The following BMERB1 variants were observed in gnomAD, a reference collection of about 807,000 sequenced individuals.
BMERB1 encodes the protein bMERB domain containing 1.
Under a neutral mutation model 23.6 loss-of-function variants are expected in BMERB1, and 12 were observed. The ratio of observed to expected loss-of-function variants is 0.51; its 90% CI spans 0.33 to 0.82. The LOEUF is 0.82. Ranked by LOEUF, BMERB1 falls within the 40% of genes least tolerant of loss-of-function variation. The pLI, the probability that BMERB1 is intolerant of heterozygous loss-of-function variation, is 0.03. For missense variants in BMERB1, 247 were observed against 255.4 expected (o/e 0.97, Z 0.22); for synonymous variants, 122 against 96.6 (o/e 1.26, Z -1.54).
intron 2 of BMERB1, among the ~76,000 whole-genome samples, chr16:15,562,316 AAAAAC>A (rs1567499835): frequency 1.3e-5 from 2 of 151,666 alleles, no homozygotes; most frequent in African/African-American, 4.8e-5. Context: ...AAAAAAAAAA[AAAAAC>A]ATAAATAAAT....
chr16:15,452,379 A>G (rs979414842), intron 1 of BMERB1, among the ~76,000 whole-genome samples: 1 of 151,806 alleles, frequency 6.6e-6, no homozygotes, highest in Non-Finnish European at 1.5e-5. Context: ...AAAAAGCTAA[A>G]CAGCCAGACC....
At chr16:15,446,893 G>A (rs1598442842) in intron 1 of BMERB1, among the ~76,000 whole-genome samples, 1 of 152,282 alleles carries the variant, frequency 6.6e-6, no homozygotes, top group African/African-American at 2.4e-5. Flanking sequence ...GGAGGAGGGA[G>A]AGCCTTTCTG....
At position 15,528,167 on chromosome 16, in the gene BMERB1, C is replaced by CT. The variant is rs2051927926; in HGVS notation, c.230+12740dup. 2.6e-5 allele frequency among the ~76,000 whole-genome samples: 4 copies of CT among 152,224 alleles called. No homozygotes were observed. In the South Asian group the frequency reaches 8.3e-4, roughly 32 times the overall value. On this transcript the variant is annotated intron_variant, in intron 2 of 5. Coordinates refer to ENST00000300006, the MANE Select transcript of BMERB1 (RefSeq NM_033201.3). ...AATTTAATTCTCACAGTTCTGGAGTCTGGCTGGGAAGTCCAAGATGAAGAT... is the reference window on the plus strand; with the variant it reads ...AATTTAATTCTCACAGTTCTGGAGTCTTGGCTGGGAAGTCCAAGATGAAGAT...
chr16:15,489,645 C>T (rs1178644533), intron 1 of BMERB1, among the ~76,000 whole-genome samples: 1 of 152,140 alleles, frequency 6.6e-6, no homozygotes, highest in Non-Finnish European at 1.5e-5. Context: ...GCCAAACTTT[C>T]TAGCTGGGCT....
At chr16:15,573,024 C>T (rs1279457089) in intron 3 of BMERB1, among the ~76,000 whole-genome samples, 1 of 152,148 alleles carries the variant, frequency 6.6e-6, no homozygotes. Flanking sequence ...TCCATTAAAC[C>T]TCTTTTTCTT....
intron 2 of BMERB1, among the ~76,000 whole-genome samples, chr16:15,518,069 A>G (rs1176593701): frequency 1.3e-5 from 2 of 152,006 alleles, no homozygotes; most frequent in South Asian, 2.1e-4. Flanking sequence ...GTGTGTGTGT[A>G]TGGATGTGCA....
intron 2 of BMERB1, among the ~76,000 whole-genome samples, chr16:15,537,536 T>G (rs1201960715): frequency 1.1e-4 from 16 of 151,092 alleles, no homozygotes; most frequent in African/African-American, 3.9e-4. Flanking sequence ...GTATTTTTAG[T>G]AGAGGCGGGG....
chr16:15,543,806 GCAAGAC>G (rs1238882591), intron 2 of BMERB1, among the ~76,000 whole-genome samples: 1 of 152,156 alleles, frequency 6.6e-6, no homozygotes, highest in Admixed American at 6.5e-5. Context: ...GGACCACAGA[GCAAGAC>G]CCTGTCTCTA....
intron 1 of BMERB1, among the ~76,000 whole-genome samples, chr16:15,513,455 T>C (rs1242072461): frequency 6.6e-6 from 1 of 152,066 alleles, no homozygotes; most frequent in Admixed American, 6.6e-5. Flanking sequence ...CATAACGAAA[T>C]AGTGAGGTCC....
chr16:15,524,709 T>G (rs1307985480), intron 2 of BMERB1, among the ~76,000 whole-genome samples: 1 of 152,160 alleles, frequency 6.6e-6, no homozygotes, highest in Non-Finnish European at 1.5e-5. Context: ...AGGCAGAGGT[T>G]TCCATGAGCC....
chr16:15,436,584 A>G (rs1301089867), intron 1 of BMERB1, among the ~76,000 whole-genome samples: 1 of 152,012 alleles, frequency 6.6e-6, no homozygotes, highest in Non-Finnish European at 1.5e-5. Flanking sequence ...TAAATGTACA[A>G]TAAATTGTTG....
chr16:15,488,938 G>A (rs960498406), intron 1 of BMERB1, among the ~76,000 whole-genome samples: 3 of 147,662 alleles, frequency 2.0e-5, no homozygotes, highest in Middle Eastern at 3.7e-3. Flanking sequence ...TGTACTAACC[G>A]GGGTTTCTAC....
chr16:15,454,284 C>G (rs527372321), intron 1 of BMERB1, among the ~76,000 whole-genome samples: 122 of 152,202 alleles, frequency 8.0e-4, no homozygotes, highest in Non-Finnish European at 1.5e-3. Context: ...TAATGTGATT[C>G]AGCAAACACA....
intron 1 of BMERB1, among the ~76,000 whole-genome samples, chr16:15,468,140 T>C (rs1227081163): frequency 3.2e-4 from 22 of 68,108 alleles, no homozygotes; most frequent in East Asian, 3.0e-3. Context: ...TTCTTCTTTT[T>C]TTTTTTTTTT....
intron 1 of BMERB1, among the ~76,000 whole-genome samples, chr16:15,462,078 A>G (rs912746349): frequency 1.3e-5 from 2 of 150,534 alleles, no homozygotes; most frequent in African/African-American, 4.9e-5. Flanking sequence ...TTTGGGACAT[A>G]CTTATCCTAC....
Position 15,578,027 on chromosome 16 carries a change from G to T in BMERB1, c.305-3190G>T, listed in dbSNP as rs79961592. Among the ~76,000 whole-genome samples, 1,644 of 152,250 alleles carry T rather than the reference G, an allele frequency of 0.011. 63 individuals carry two copies. The East Asian group carries it at 0.12, about 11-fold the overall frequency. On this transcript the variant is annotated intron_variant, in intron 3 of 5. Transcript: ENST00000300006. ...TTTTAGAGAGACAATTTTAACAACT[G>T]CCTGACATCACCTGATGGTTGCCTG...
intron 2 of BMERB1, among the ~76,000 whole-genome samples, chr16:15,532,537 T>C (rs1373766996): frequency 1.5e-5 from 2 of 137,498 alleles, no homozygotes; most frequent in Non-Finnish European, 3.1e-5. Flanking sequence ...CTTTTTTTTT[T>C]CTTTTTCTTT....
At chr16:15,509,489 C>T (rs1479002024) in intron 1 of BMERB1, among the ~76,000 whole-genome samples, 1 of 152,120 alleles carries the variant, frequency 6.6e-6, no homozygotes, top group Non-Finnish European at 1.5e-5. Context: ...AAGCCTCCAG[C>T]ACAGGTAACT....
chr16:15,532,242 T>G (rs989333621), intron 2 of BMERB1, among the ~76,000 whole-genome samples: 37 of 138,452 alleles, frequency 2.7e-4, no homozygotes, highest in Admixed American at 9.5e-4. Flanking sequence ...TTTTTTTTGT[T>G]TTTTTTTGAG....
Sources: gnomAD v4.1 joint callset for allele counts (sites outside exome capture counted in the v4.1 genomes callset) on GRCh38, gnomAD v4.1.1 for gene constraint, MANE v1.5 for transcripts, NCBI Gene and HGNC (gene_info 2026-07-23, HGNC 2026-07-21) for gene names.